Variants in TOP3A observed in about 807,000 individuals in gnomAD.
TOP3A encodes the protein DNA topoisomerase III alpha.
In TOP3A, 64 loss-of-function variants were observed where a neutral mutation model predicts 111.3. The ratio of observed to expected loss-of-function variants is 0.57; its 90% CI spans 0.47 to 0.71. The LOEUF (loss-of-function observed/expected upper bound fraction) is 0.71. Ranked by LOEUF, TOP3A falls within the 30% of genes least tolerant of loss-of-function variation. The pLI is 0.00. For missense variants in TOP3A, 1,104 were observed against 1,285.0 expected (o/e 0.86, Z 2.15); for synonymous variants, 484 against 485.1 (o/e 1.00, Z 0.03).
intron 5 of TOP3A, among the ~76,000 whole-genome samples, chr17:18,303,973 A>T (rs570668251): frequency 4.1e-5 from 6 of 148,048 alleles, no homozygotes; most frequent in South Asian, 2.1e-4. Context: ...CTTGGTGAAC[A>T]TTTTTTTTTT....
At chr17:18,309,610 C>T (rs1981787868) in intron 1 of TOP3A, among the ~76,000 whole-genome samples, 1 of 151,728 alleles carries the variant, frequency 6.6e-6, no homozygotes, top group Admixed American at 6.6e-5. Flanking sequence ...CGCCACTGCA[C>T]TCTAGCCTGG....
intron 8 of TOP3A, 59 bp from the exon 9 acceptor site, chr17:18,299,692 C>T (rs1403250265): frequency 6.8e-7 from 1 of 1,468,692 alleles, no homozygotes; most frequent in Non-Finnish European, 9.5e-7. Context: ...CTCCATCCTT[C>T]CTATGGATAG....
intron 13 of TOP3A, among the ~76,000 whole-genome samples, chr17:18,288,593 G>A (rs1275924919): frequency 2.0e-5 from 3 of 152,144 alleles, no homozygotes; most frequent in Non-Finnish European, 2.9e-5. Flanking sequence ...GCAAAGTCAG[G>A]CTTGGATCAT....
chr17:18,309,304 G>C (rs915826497), intron 1 of TOP3A, among the ~76,000 whole-genome samples: 1 of 152,182 alleles, frequency 6.6e-6, no homozygotes, highest in African/African-American at 2.4e-5. Flanking sequence ...GAAAATGTTG[G>C]TGTTTCCTCA....
At chr17:18,277,418 G>A (rs146416223) in intron 18 of TOP3A, among the ~76,000 whole-genome samples, 3 of 152,362 alleles carry the variant, frequency 2.0e-5, no homozygotes, top group South Asian at 2.1e-4. Flanking sequence ...AGATGCACAG[G>A]AAGTATACTT....
rs1320583722 is a variant in TOP3A, at chr17:18,272,006, C to T, written c.*2796G>A. ...GCTTGAACCCAGGAGGCAGAGGTTG[C>T]AGTGAGCCAAGATCGCACCACTGCA... On this transcript the variant is annotated 3_prime_UTR_variant, in exon 19 of 19. Coordinates refer to ENST00000321105, the MANE Select transcript of TOP3A (RefSeq NM_004618.5). Among the ~76,000 whole-genome samples the T allele has an allele frequency of 6.6e-6, 1 of 151,928 alleles. No individual in the cohort carries two copies. Among genetic ancestry groups the T allele is most frequent in the Non-Finnish European group, 1.5e-5 (1 of 68,002 alleles).
chr17:18,302,192 T>A (rs958711480), intron 7 of TOP3A, 72 bp downstream of exon 7: 1 of 1,514,350 alleles, frequency 6.6e-7, no homozygotes, highest in Non-Finnish European at 8.9e-7. Flanking sequence ...TTAGTGCTAT[T>A]AATGCTCACA....
chr17:18,314,195 C>T (rs572735560), intron 1 of TOP3A, among the ~76,000 whole-genome samples: 1 of 152,228 alleles, frequency 6.6e-6, no homozygotes, highest in South Asian at 2.1e-4. Context: ...AACGATCGGG[C>T]AGGGCTTGAA....
In TOP3A at chr17:18,282,829, G is replaced by C. The variant is rs879741813; in HGVS notation, c.1890C>G (p.Ala630=). 1.2e-6 allele frequency: 2 copies of C among 1,614,110 alleles called. No individual in the cohort carries two copies. The highest frequency in any genetic ancestry group is 1.7e-6 in the Non-Finnish European group (2 of 1,179,998). The change falls in exon 16 of 19, where the codon GCC becomes GCG. Residue 630 remains alanine, a synonymous_variant. Coordinates refer to ENST00000321105, the MANE Select transcript of TOP3A (RefSeq NM_004618.5). The part of the protein sequence containing the change: ...AVAKAKKLDE[A]LAQYFGNGTE... ...TCCCATTCCCAAAGTACTGGGCCAA[G>C]GCCTCGTCCAATCTGAAGAAAAGGC...
At chr17:18,298,623 T>C (rs1319864073) in intron 9 of TOP3A, among the ~76,000 whole-genome samples, 1 of 150,874 alleles carries the variant, frequency 6.6e-6, no homozygotes, top group East Asian at 1.9e-4. Flanking sequence ...GGGGGAAGGG[T>C]GGGGAAAAGA....
rs758322816 is a variant in TOP3A at position 18,282,856 on chromosome 17, A to G, written c.1878-15T>C. ...CCTCGTCCAATCTGAAGAAAAGGCA[A>G]AGACAGACACCCATCAGCCAGCAAT... On this transcript the variant is annotated splice_polypyrimidine_tract_variant and intron_variant, in intron 15 of 18. Coordinates refer to ENST00000321105, the MANE Select transcript of TOP3A (RefSeq NM_004618.5). The G allele has an allele frequency of 2.5e-6, 4 of 1,613,714 alleles. No homozygotes were observed. The highest frequency in any genetic ancestry group is 1.1e-5 in the South Asian group (1 of 91,088).
intron 9 of TOP3A, among the ~76,000 whole-genome samples, chr17:18,295,385 TG>T (rs1980732132): frequency 6.6e-6 from 1 of 151,314 alleles, no homozygotes; most frequent in Non-Finnish European, 1.5e-5. Context: ...TGACCTCAGG[TG>T]ATCTGCCCGC....
At chr17:18,301,490 T>C (rs1981225078) in intron 8 of TOP3A, among the ~76,000 whole-genome samples, 1 of 152,224 alleles carries the variant, frequency 6.6e-6, no homozygotes, top group Admixed American at 6.5e-5. Flanking sequence ...AGCCCACTAA[T>C]TTGTGACTTT....
chr17:18,308,615 G>C (rs973553216), intron 2 of TOP3A, 191 bp from the exon 3 acceptor site: 2 of 506,922 alleles, frequency 3.9e-6, no homozygotes, highest in Non-Finnish European at 3.5e-6. Context: ...ATGATATGGT[G>C]TATAACTGAC....
At chr17:18,291,090 C>G in intron 11 of TOP3A, 63 bp from the exon 12 acceptor site, 1 of 1,535,722 alleles carries the variant, frequency 6.5e-7, no homozygotes, top group East Asian at 2.3e-5. Context: ...ACAGGAGCAT[C>G]ACTGGTAGCC....
rs1982165070 is a variant in TOP3A, at chr17:18,314,914, T to A, written c.-136A>T. 2.9e-6 allele frequency: 1 copy of A among 343,734 alleles called. No individual in the cohort carries two copies. Among genetic ancestry groups the A allele is most frequent in the African/African-American group, 2.3e-5 (1 of 44,326 alleles). 21.3% of individuals were successfully genotyped at this position (343,734 alleles called of 1,614,324 possible). On this transcript the variant is annotated 5_prime_UTR_variant, in exon 1 of 19. Transcript: ENST00000321105. ...CACGTCCCCACCAGCCTGCTGGCCT[T>A]TGGAGCTTCAGTCACTGAGCCTTTC...
chr17:18,304,988 C>T lies in TOP3A; in HGVS notation c.499+124G>A. On this transcript the variant is annotated intron_variant, in intron 5 of 18. Transcript: ENST00000321105. ...TCCAGGACACATGGCTGGTGGGACT[C>T]ACAGACTGGGAGGGAGAGTACCTGC... 3.8e-6 allele frequency: 3 copies of T among 784,322 alleles called. No homozygotes were observed. The Admixed American group carries it at 6.0e-5, about 16-fold the overall frequency. 48.6% of individuals were successfully genotyped at this position (784,322 alleles called of 1,614,324 possible). A position where few individuals can be genotyped will look rare whatever the true frequency, so the allele number is the denominator to read the frequency against.
intron 17 of TOP3A, among the ~76,000 whole-genome samples, chr17:18,278,895 T>C (rs1160361090): frequency 6.6e-6 from 1 of 152,194 alleles, no homozygotes; most frequent in East Asian, 1.9e-4. Flanking sequence ...GGAGAACCTC[T>C]TGAACCTGGG....
rs571282889 is a variant in TOP3A at position 18,272,623 on chromosome 17, G to T, written c.*2179C>A. Among the ~76,000 whole-genome samples the T allele has an allele frequency of 4.6e-5, 7 of 152,248 alleles. No homozygotes were observed. Among genetic ancestry groups the T allele is most frequent in the African/African-American group, 1.4e-4 (6 of 41,552 alleles). Reference sequence around the variant, plus strand: ...AGGACTGACATGCTACAATGTGGATGAGCCTGACAAACATCAGCCAAGTCA... The same window carrying T: ...AGGACTGACATGCTACAATGTGGATTAGCCTGACAAACATCAGCCAAGTCA... On this transcript the variant is annotated 3_prime_UTR_variant, in exon 19 of 19. Transcript: ENST00000321105.
Sources: gnomAD v4.1 joint callset for allele counts (sites outside exome capture counted in the v4.1 genomes callset) on GRCh38, gnomAD v4.1.1 for gene constraint, MANE v1.5 for transcripts, NCBI Gene and HGNC (gene_info 2026-07-23, HGNC 2026-07-21) for gene names.